Variants in SDK1 observed in about 807,000 individuals in gnomAD.
SDK1 encodes protein sidekick-1.
Under a neutral mutation model 245.5 loss-of-function variants are expected in SDK1, and 157 were observed. The ratio of observed to expected loss-of-function variants is 0.64; its 90% CI spans 0.56 to 0.73. The LOEUF is 0.73. Ranked by LOEUF, SDK1 falls within the 30% of genes least tolerant of loss-of-function variation. The pLI is 0.00. For synonymous variants in SDK1, 1,647 were observed against 1,278.5 expected (o/e 1.29, Z -6.15); for missense variants, 3,583 against 3,002.3 (o/e 1.19, Z -4.52).
At chr7:4,072,366 T>G (rs1437485647) in intron 20 of SDK1, among the ~76,000 whole-genome samples, 5 of 152,174 alleles carry the variant, frequency 3.3e-5, no homozygotes, top group Non-Finnish European at 7.4e-5. Flanking sequence ...CTCACTGTAA[T>G]GTGCACCTTG....
chr7:3,384,376 A>G (rs547770340), intron 1 of SDK1, among the ~76,000 whole-genome samples: 2 of 152,310 alleles, frequency 1.3e-5, no homozygotes, highest in African/African-American at 4.8e-5. Flanking sequence ...GAAGAGTACT[A>G]ATTTTTTTCA....
chr7:3,335,597 G>C (rs1344107522), intron 1 of SDK1, among the ~76,000 whole-genome samples: 1 of 152,112 alleles, frequency 6.6e-6, no homozygotes, highest in African/African-American at 2.4e-5. Flanking sequence ...GAAGATTGAA[G>C]GATAAGAGGG....
chr7:3,443,031 C>T lies in SDK1; in HGVS notation c.298+141147C>T, dbSNP rs1016745860. Among the ~76,000 whole-genome samples the T allele has an allele frequency of 2.0e-5, 3 of 150,892 alleles. 1 individual carries two copies. Among genetic ancestry groups the T allele is most frequent in the African/African-American group, 7.3e-5 (3 of 41,008 alleles). On this transcript the variant is annotated intron_variant, in intron 1 of 44. Coordinates refer to ENST00000404826, the MANE Select transcript of SDK1 (RefSeq NM_152744.4). ...CTTATAAAGCAACACAATACCCTAT[C>T]CATATCCAGCCTGTAAAAATAAAAA...
intron 5 of SDK1, among the ~76,000 whole-genome samples, chr7:3,884,074 T>C (rs1781276681): frequency 7.1e-6 from 1 of 141,434 alleles, no homozygotes; most frequent in Non-Finnish European, 1.5e-5. Context: ...TTTGTTTGTT[T>C]GTTTTTTTGT....
chr7:3,871,118 T>G (rs12690803), intron 5 of SDK1, among the ~76,000 whole-genome samples: 33,122 of 152,030 alleles, frequency 0.22, 3,970 homozygotes, highest in African/African-American at 0.3. Context: ...CCTGCACATA[T>G]GTCAATAGAT....
chr7:3,776,502 T>C (rs1434202527), intron 4 of SDK1, among the ~76,000 whole-genome samples: 3 of 152,202 alleles, frequency 2.0e-5, no homozygotes, highest in Admixed American at 6.5e-5. Flanking sequence ...CATTGTTGTG[T>C]AACATTTTCT....
chr7:4,114,699 A>G (rs577780620), intron 25 of SDK1, among the ~76,000 whole-genome samples: 3 of 152,236 alleles, frequency 2.0e-5, no homozygotes, highest in South Asian at 2.1e-4. Flanking sequence ...TTGCTTGAAC[A>G]TAATAGGAGT....
At chr7:3,861,304 C>A (rs1161873868) in intron 5 of SDK1, among the ~76,000 whole-genome samples, 1 of 152,210 alleles carries the variant, frequency 6.6e-6, no homozygotes, top group Non-Finnish European at 1.5e-5. Context: ...TTACTCTCCA[C>A]TAGTTATTTA....
intron 13 of SDK1, among the ~76,000 whole-genome samples, chr7:3,984,959 T>C (rs969933361): frequency 2.6e-5 from 4 of 152,242 alleles, no homozygotes; most frequent in African/African-American, 7.2e-5. Flanking sequence ...CCTGCATTCC[T>C]ACCACTCTCA....
At chr7:3,724,304 AGC>A (rs1003339729) in intron 4 of SDK1, among the ~76,000 whole-genome samples, 4 of 152,008 alleles carry the variant, frequency 2.6e-5, no homozygotes, top group African/African-American at 9.7e-5. Flanking sequence ...CAGGAGCAGG[AGC>A]TCACACCTGT....
At chr7:4,214,889 C>T (rs903275516) in intron 38 of SDK1, among the ~76,000 whole-genome samples, 5 of 152,234 alleles carry the variant, frequency 3.3e-5, no homozygotes, top group South Asian at 2.1e-4. Flanking sequence ...CACCATCATC[C>T]GTGGTCCGGC....
In SDK1 at chr7:3,853,239, C is replaced by T. The variant is rs114176443; in HGVS notation, c.847+31656C>T. ...TGCAAAGATGGAAAGTAACCTATTGCTCAGCCTCGACTTGGACATGGTTTG... is the reference window on the plus strand; with the variant it reads ...TGCAAAGATGGAAAGTAACCTATTGTTCAGCCTCGACTTGGACATGGTTTG... On this transcript the variant is annotated intron_variant, in intron 5 of 44. Coordinates refer to ENST00000404826, the MANE Select transcript of SDK1 (RefSeq NM_152744.4). Among the ~76,000 whole-genome samples, 1,054 of 152,176 alleles carry T rather than the reference C, an allele frequency of 6.9e-3. 14 individuals are homozygous for T. Among genetic ancestry groups the T allele is most frequent in the African/African-American group, 0.024 (985 of 41,504 alleles).
intron 4 of SDK1, among the ~76,000 whole-genome samples, chr7:3,658,902 G>A (rs1182077422): frequency 6.6e-6 from 1 of 152,108 alleles, no homozygotes; most frequent in Non-Finnish European, 1.5e-5. Context: ...ACAGGTGTGA[G>A]CCACCATGCC....
chr7:3,496,755 A>G (rs780168335), intron 1 of SDK1, among the ~76,000 whole-genome samples: 2 of 152,212 alleles, frequency 1.3e-5, no homozygotes, highest in Non-Finnish European at 2.9e-5. Context: ...TTCTGAAAGC[A>G]TAAAACGTGC....
rs149089702 is a variant in SDK1 at position 4,231,524 on chromosome 7, G to A, written c.5828-1731G>A. On this transcript the variant is annotated intron_variant, in intron 40 of 44. Coordinates refer to ENST00000404826, the MANE Select transcript of SDK1 (RefSeq NM_152744.4). ...GTAGTTTGAGGCTGCAGTGAGCTAT[G>A]ATTGCACCACTGCACTCCAGCCTGT... 9.4e-3 allele frequency among the ~76,000 whole-genome samples: 1,412 copies of A among 150,136 alleles called. 20 individuals carry two copies. The highest frequency in any genetic ancestry group is 0.033 in the African/African-American group (1,367 of 40,942).
intron 30 of SDK1, among the ~76,000 whole-genome samples, chr7:4,152,119 C>G (rs1034748865): frequency 5.9e-5 from 9 of 152,240 alleles, no homozygotes; most frequent in African/African-American, 2.2e-4. Context: ...GCTGTTCCCT[C>G]CAGCTCTGTG....
chr7:4,051,862 C>G, intron 19 of SDK1, 32 bp downstream of exon 19: 1 of 1,581,246 alleles, frequency 6.3e-7, no homozygotes, highest in South Asian at 1.1e-5. Context: ...TCTCTTAAGT[C>G]ACTTGTCAAA....
intron 25 of SDK1, among the ~76,000 whole-genome samples, chr7:4,125,993 T>G (rs1343150138): frequency 6.6e-6 from 1 of 152,194 alleles, no homozygotes; most frequent in East Asian, 1.9e-4. Context: ...ACCACCTGAT[T>G]CAAAAGGAGA....
intron 2 of SDK1, among the ~76,000 whole-genome samples, chr7:3,628,023 A>C (rs1034435058): frequency 6.6e-6 from 1 of 152,222 alleles, no homozygotes; most frequent in East Asian, 1.9e-4. Context: ...TTAAGGACCA[A>C]AGGTACTACT....
Sources: gnomAD v4.1 joint callset for allele counts (sites outside exome capture counted in the v4.1 genomes callset) on GRCh38, gnomAD v4.1.1 for gene constraint, MANE v1.5 for transcripts, NCBI Gene and HGNC (gene_info 2026-07-23, HGNC 2026-07-21) for gene names.